Variants in CCDC167 observed in about 807,000 individuals in gnomAD.
The protein encoded by CCDC167 is coiled-coil domain-containing protein 167.
CCDC167 carries 15 observed loss-of-function variants against 12.7 expected under a neutral mutation model. That is an observed-to-expected ratio of 1.18 (90% confidence interval 0.79 to 1.81). The LOEUF is 1.81. Ranked by LOEUF, CCDC167 falls within the 40% of genes most tolerant of loss-of-function variation. The pLI, the probability that CCDC167 is intolerant of heterozygous loss-of-function variation, is 0.00. For synonymous variants in CCDC167, 52 were observed against 49.0 expected (o/e 1.06, Z -0.26); for missense variants, 121 against 120.1 (o/e 1.01, Z -0.03).
intron 1 of CCDC167, among the ~76,000 whole-genome samples, chr6:37,489,933 G>C (rs561453624): frequency 6.6e-6 from 1 of 152,332 alleles, no homozygotes; most frequent in South Asian, 2.1e-4. Flanking sequence ...GGCACAGTGT[G>C]GGGGCAGAGA....
intron 1 of CCDC167, among the ~76,000 whole-genome samples, chr6:37,498,885 G>C (rs979793132): frequency 7.9e-5 from 12 of 152,110 alleles, no homozygotes; most frequent in African/African-American, 2.9e-4. Context: ...GAATTACTCG[G>C]GGTGTGGGAA....
chr6:37,487,528 G>A (rs1378696990), intron 1 of CCDC167, among the ~76,000 whole-genome samples: 1 of 152,366 alleles, frequency 6.6e-6, no homozygotes, highest in African/African-American at 2.4e-5. Flanking sequence ...CCCAGTGCAA[G>A]TCTTAGTCCT....
intron 1 of CCDC167, among the ~76,000 whole-genome samples, chr6:37,498,388 A>T (rs1168232013): frequency 6.6e-6 from 1 of 152,146 alleles, no homozygotes; most frequent in Non-Finnish European, 1.5e-5. Context: ...ACAAAGTACC[A>T]TCTCAGTCAC....
chr6:37,497,651 C>T (rs527368023), intron 1 of CCDC167, among the ~76,000 whole-genome samples: 88 of 152,088 alleles, frequency 5.8e-4, no homozygotes, highest in African/African-American at 2.0e-3. Flanking sequence ...GTCAGGAGTT[C>T]GAGACCAGCC....
intron 3 of CCDC167, 80 bp downstream of exon 3, chr6:37,484,730 G>A (rs2113903983): frequency 6.5e-6 from 10 of 1,544,374 alleles, no homozygotes; most frequent in Non-Finnish European, 9.0e-6. Flanking sequence ...CTGCTGCCTT[G>A]TCAGGCCCCT....
At chr6:37,483,804 G>A (rs554119734) in intron 3 of CCDC167, among the ~76,000 whole-genome samples, 18 of 152,168 alleles carry the variant, frequency 1.2e-4, no homozygotes, top group African/African-American at 2.4e-4. Flanking sequence ...ATCTAGGGAC[G>A]CTAAGATGCA....
At chr6:37,487,539 A>G (rs1413709964) in intron 1 of CCDC167, among the ~76,000 whole-genome samples, 1 of 152,224 alleles carries the variant, frequency 6.6e-6, no homozygotes, top group Non-Finnish European at 1.5e-5. Flanking sequence ...TCTTAGTCCT[A>G]GGTGAGATTT....
At chr6:37,495,918 G>A (rs1247842890) in intron 1 of CCDC167, among the ~76,000 whole-genome samples, 1 of 152,204 alleles carries the variant, frequency 6.6e-6, no homozygotes, top group African/African-American at 2.4e-5. Context: ...CAGACCCGCT[G>A]GGGGCAACTG....
intron 1 of CCDC167, among the ~76,000 whole-genome samples, chr6:37,494,056 CTTTTTTTTTTTTTT>C (rs70977666): frequency 1.1e-5 from 1 of 91,386 alleles, no homozygotes; most frequent in African/African-American, 4.3e-5. Context: ...GTGATCCTGC[CTTTTTTTTTTTTTT>C]TTTTTTTTTT....
At chr6:37,494,805 A>ATTTTTTTTTTTTTTTT (rs201478338) in intron 1 of CCDC167, among the ~76,000 whole-genome samples, 46 of 115,210 alleles carry the variant, frequency 4.0e-4, no homozygotes, top group African/African-American at 1.2e-3. Context: ...CTACCTACAA[A>ATTTTTTTTTTTTTTTT]TTTTTTTTTT....
At chr6:37,487,625 C>T (rs564181812) in intron 1 of CCDC167, among the ~76,000 whole-genome samples, 1 of 152,288 alleles carries the variant, frequency 6.6e-6, no homozygotes, top group Admixed American at 6.5e-5. Flanking sequence ...AATTCCATCC[C>T]TGAACACCTC....
chr6:37,488,433 C>T lies in CCDC167; in HGVS notation c.43-3239G>A, dbSNP rs78756538. ...AGACGACCCGAGGCAAATGTGCAGT[C>T]GTTGGTTAGCTCTCTCCTTGCCACC... On this transcript the variant is annotated intron_variant, in intron 1 of 3. Coordinates refer to ENST00000373408, the MANE Select transcript of CCDC167 (RefSeq NM_138493.3). 4.9e-3 allele frequency among the ~76,000 whole-genome samples: 743 copies of T among 152,306 alleles called. 13 individuals carry two copies. The highest frequency in any genetic ancestry group is 0.017 in the African/African-American group (711 of 41,562).
chr6:37,492,202 C>T (rs535723671), intron 1 of CCDC167, among the ~76,000 whole-genome samples: 6 of 152,344 alleles, frequency 3.9e-5, no homozygotes, highest in African/African-American at 1.2e-4. Context: ...GGCTTATGCT[C>T]TTTCCACCAC....
intron 1 of CCDC167, among the ~76,000 whole-genome samples, chr6:37,489,664 A>G (rs1051781212): frequency 2.6e-5 from 4 of 152,200 alleles, no homozygotes; most frequent in Non-Finnish European, 4.4e-5. Flanking sequence ...GCCAGGGCTC[A>G]CTCACACCAT....
chr6:37,487,201 T>G (rs984354946), intron 1 of CCDC167, among the ~76,000 whole-genome samples: 1 of 152,198 alleles, frequency 6.6e-6, no homozygotes, highest in African/African-American at 2.4e-5. Context: ...GCCCACAGAT[T>G]GGCCCATTCC....
chr6:37,484,714 T>G, intron 3 of CCDC167, 96 bp downstream of exon 3: 1 of 1,429,224 alleles, frequency 7.0e-7, no homozygotes, highest in East Asian at 2.3e-5. Flanking sequence ...AGAACCCCCT[T>G]GCTCCCTGCT....
intron 1 of CCDC167, among the ~76,000 whole-genome samples, chr6:37,497,900 A>AAAAAC (rs1163030289): frequency 2.0e-5 from 3 of 152,156 alleles, no homozygotes; most frequent in African/African-American, 7.2e-5. Context: ...TGAGAATGAA[A>AAAAAC]AAAACAAAAC....
intron 1 of CCDC167, among the ~76,000 whole-genome samples, chr6:37,486,346 C>G (rs1761942499): frequency 6.6e-6 from 1 of 152,244 alleles, no homozygotes; most frequent in Non-Finnish European, 1.5e-5. Context: ...CTGGAGTTAG[C>G]CCCTGCAGGG....
intron 1 of CCDC167, among the ~76,000 whole-genome samples, chr6:37,487,011 G>A (rs940194524): frequency 1.3e-5 from 2 of 152,198 alleles, no homozygotes; most frequent in African/African-American, 4.8e-5. Context: ...CAGGGGGGTG[G>A]GGGTTGGGGG....
Sources: gnomAD v4.1 joint callset for allele counts (sites outside exome capture counted in the v4.1 genomes callset) on GRCh38, gnomAD v4.1.1 for gene constraint, MANE v1.5 for transcripts, NCBI Gene and HGNC (gene_info 2026-07-23, HGNC 2026-07-21) for gene names.